LRP2: variants seen among roughly 807,000 people sequenced by gnomAD.
The protein encoded by LRP2 is low-density lipoprotein receptor-related protein 2.
LRP2 carries 172 observed loss-of-function variants against 531.0 expected under a neutral mutation model. That is an observed-to-expected ratio of 0.32 (90% CI 0.29 to 0.37). The LOEUF (loss-of-function observed/expected upper bound fraction) is 0.37, where lower values mean the gene tolerates loss of function less well. LRP2 is among the 10% of genes least tolerant of loss of function. The pLI is 1.00. For missense variants in LRP2, 5,167 were observed against 5,868.3 expected, an observed-to-expected ratio of 0.88 and a Z score of 3.90; for synonymous variants, 1,992 against 2,027.6, an observed-to-expected ratio of 0.98 and a Z score of 0.47.
chr2:169,359,304 C>A (rs1289082001), intron 1 of LRP2, among the ~76,000 whole-genome samples: 1 of 152,136 alleles, frequency 6.6e-6, no homozygotes, highest in Non-Finnish European at 1.5e-5. Context: ...ATGTTGGAAC[C>A]CAACAGCTTG....
chr2:169,287,410 T>C (rs1683887107), intron 9 of LRP2, among the ~76,000 whole-genome samples: 1 of 152,154 alleles, frequency 6.6e-6, no homozygotes, highest in Non-Finnish European at 1.5e-5. Context: ...GTGGTCCTGA[T>C]ATTAAGAACC....
chr2:169,240,942 G>A (rs781484969), intron 25 of LRP2, 46 bp downstream of exon 25: 3 of 1,603,024 alleles, frequency 1.9e-6, no homozygotes, highest in African/African-American at 1.3e-5. Context: ...CCAGGCTACT[G>A]TTCAGAATGA....
chr2:169,352,459 G>C (rs979535439), intron 1 of LRP2, among the ~76,000 whole-genome samples: 1 of 152,144 alleles, frequency 6.6e-6, no homozygotes, highest in Admixed American at 6.5e-5. Flanking sequence ...GAAGAAATTT[G>C]CAGTGGTAAG....
intron 8 of LRP2, among the ~76,000 whole-genome samples, chr2:169,289,943 G>A (rs1683957190): frequency 6.6e-6 from 1 of 152,028 alleles, no homozygotes. Context: ...ATTTTTGTCA[G>A]GAAACAAAAA....
In LRP2 at chr2:169,237,170, G is replaced by T. The variant is rs946254891; in HGVS notation, c.4624C>A (p.His1542Asn). ...TIEVSKIDGS[H>N]RTVLISKNLT... The stretch of plus-strand genomic sequence containing the variant: ...TTTTTACTAATCAGCACAGTCCTGT[G>T]GCTCCCATCAATTTTGGAGACTTCA... The change falls in exon 28 of 79, where the codon CAC (histidine) becomes AAC (asparagine). Residue 1542 changes from histidine (H) to asparagine (N), a missense_variant. Physicochemically the swap from His to Asn is moderately conservative, Grantham distance 68 (BLOSUM62 1). Transcript: ENST00000649046. The T allele has an allele frequency of 1.2e-6, 2 of 1,613,782 alleles. No individual in the cohort carries two copies. Among genetic ancestry groups the T allele is most frequent in the African/African-American group, 2.7e-5 (2 of 74,884 alleles).
chr2:169,189,802 AT>A (rs35200244), intron 48 of LRP2, among the ~76,000 whole-genome samples: 1 of 151,132 alleles, frequency 6.6e-6, no homozygotes, highest in African/African-American at 2.4e-5. Context: ...AACAAACAGT[AT>A]TTTTTTTTCT....
chr2:169,178,061 G>T, intron 52 of LRP2, 35 bp from the exon 53 acceptor site: 1 of 1,456,436 alleles, frequency 6.9e-7, no homozygotes, highest in Non-Finnish European at 9.6e-7. Flanking sequence ...ATGTGATAAA[G>T]GTAATTCCTC....
At chr2:169,218,258 A>C (rs963368321) in intron 34 of LRP2, among the ~76,000 whole-genome samples, 3 of 152,160 alleles carry the variant, frequency 2.0e-5, no homozygotes, top group African/African-American at 7.2e-5. Context: ...TCACTTGAAC[A>C]AACCCTCAAT....
chr2:169,142,678 A>T lies in LRP2; in HGVS notation c.13104T>A (p.Asp4368Glu). 6.2e-7 allele frequency: 1 copy of T among 1,613,968 alleles called. No homozygotes were observed. Among genetic ancestry groups the T allele is most frequent in the Non-Finnish European group, 8.5e-7 (1 of 1,179,886 alleles). ...SFIEGSTTECDAAIELPINLP... is the reference protein window; with the variant it reads ...SFIEGSTTECEAAIELPINLP... ...CTGCTTGGGCAGTGCTCCTACCTGCATCACACTCAGTGGTGCTCCCCTCTA... is the reference window on the plus strand; with the variant it reads ...CTGCTTGGGCAGTGCTCCTACCTGCTTCACACTCAGTGGTGCTCCCCTCTA... Residue 4368 changes from aspartate (D) to glutamate (E), a missense_variant, in exon 71 of 79, where the codon GAT becomes GAA. Physicochemically the swap from Asp to Glu is conservative, Grantham distance 45 (BLOSUM62 2). This residue lies in a region of LRP2 where 348 missense variants were observed against 369.3 expected (regional missense o/e 0.94). Transcript: ENST00000649046.
At chr2:169,242,490 A>G (rs1689843952) in intron 24 of LRP2, among the ~76,000 whole-genome samples, 1 of 152,224 alleles carries the variant, frequency 6.6e-6, no homozygotes, top group South Asian at 2.1e-4. Flanking sequence ...CTCCATAGAT[A>G]ACATCTTAGC....
intron 3 of LRP2, among the ~76,000 whole-genome samples, chr2:169,318,335 A>G (rs1314801876): frequency 6.6e-6 from 1 of 151,940 alleles, no homozygotes; most frequent in African/African-American, 2.4e-5. Context: ...CCTCCAACAA[A>G]CCTACCTACT....
intron 3 of LRP2, among the ~76,000 whole-genome samples, chr2:169,308,969 C>T (rs537798537): frequency 3.3e-5 from 5 of 152,048 alleles, no homozygotes; most frequent in Admixed American, 2.6e-4. Flanking sequence ...TTCTCTGATG[C>T]TCAGTGATGA....
intron 7 of LRP2, among the ~76,000 whole-genome samples, chr2:169,291,973 G>T (rs1352620820): frequency 1.3e-5 from 2 of 152,142 alleles, no homozygotes; most frequent in African/African-American, 4.8e-5. Flanking sequence ...TCAGACTGGG[G>T]TATAGAAGAG....
At chr2:169,299,613 G>T (rs374051958) in intron 4 of LRP2, among the ~76,000 whole-genome samples, 1 of 151,456 alleles carries the variant, frequency 6.6e-6, no homozygotes, top group Non-Finnish European at 1.5e-5. Context: ...TGCATCAAAT[G>T]CTCCAAGGAA....
At chr2:169,219,398 G>A (rs1688908122) in intron 34 of LRP2, among the ~76,000 whole-genome samples, 1 of 152,078 alleles carries the variant, frequency 6.6e-6, no homozygotes, top group Admixed American at 6.6e-5. Flanking sequence ...TTTATAATAT[G>A]GTATAGTAGA....
In LRP2 at chr2:169,259,185, T is replaced by A. The variant is rs1690434741; in HGVS notation, c.2353A>T (p.Asn785Tyr). The stretch of plus-strand genomic sequence containing the variant: ...CAATCAAAAGCCAAACTTTCAACAT[T>A]TTCCACCCTGTTAGCTGCGAGAATT... ...REILAANRVE[N>Y]VESLAFDWIS... Residue 785 changes from asparagine (N) to tyrosine (Y), a missense_variant, in exon 17 of 79, where the codon AAT (asparagine) becomes TAT (tyrosine). Asn to Tyr is a moderately radical substitution (Grantham distance 143). Coordinates refer to ENST00000649046, the MANE Select transcript of LRP2 (RefSeq NM_004525.3). The A allele has an allele frequency of 6.2e-7, 1 of 1,613,274 alleles. No homozygotes were observed. The highest frequency in any genetic ancestry group is 2.2e-5 in the East Asian group (1 of 44,840).
rs184876327 is a variant in LRP2 at position 169,306,090 on chromosome 2, T to C, written c.427+1191A>G. 2.4e-3 allele frequency among the ~76,000 whole-genome samples: 364 copies of C among 152,196 alleles called. 7 individuals carry two copies. The highest frequency in any genetic ancestry group is 0.021 in the Admixed American group (324 of 15,278). On this transcript the variant is annotated intron_variant, in intron 4 of 78. Transcript: ENST00000649046. ...TAAATGACACATGACTATATCTTTA[T>C]ACAGCACATAGTAAATTTATGAAAT...
chr2:169,307,094 T>C (rs1684440131), intron 4 of LRP2, among the ~76,000 whole-genome samples, 187 bp downstream of exon 4: 1 of 152,228 alleles, frequency 6.6e-6, no homozygotes, highest in African/African-American at 2.4e-5. Context: ...ACTCTTAGAA[T>C]GTCTTGTTAA....
chr2:169,336,390 A>G (rs1685404340), intron 1 of LRP2, among the ~76,000 whole-genome samples: 1 of 151,854 alleles, frequency 6.6e-6, no homozygotes. Flanking sequence ...ATACAAAAAA[A>G]TTAGCCAGGC....
Sources: gnomAD v4.1 joint callset for allele counts (sites outside exome capture counted in the v4.1 genomes callset) on GRCh38, gnomAD v4.1.1 for gene constraint, gnomAD v4.1.1 regional missense constraint, MANE v1.5 for transcripts, NCBI Gene and HGNC (gene_info 2026-07-23, HGNC 2026-07-21) for gene names.